Variants in PITPNC1 observed in about 807,000 individuals in gnomAD.
The protein encoded by PITPNC1 is cytoplasmic phosphatidylinositol transfer protein 1.
Under a neutral mutation model 44.7 loss-of-function variants are expected in PITPNC1, and 18 were observed. The observed-to-expected ratio is 0.40, with a 90% confidence interval of 0.28 to 0.60. PITPNC1 has a LOEUF of 0.60. Among genes scored for constraint, PITPNC1 ranks in the 20% least tolerant of loss-of-function variants. The pLI is 0.39. For missense variants in PITPNC1, 290 were observed against 418.4 expected (o/e 0.69, Z 2.68); for synonymous variants, 141 against 149.6 (o/e 0.94, Z 0.42).
At chr17:67,431,373 C>CCTA (rs1411923556) in intron 1 of PITPNC1, among the ~76,000 whole-genome samples, 1 of 151,998 alleles carries the variant, frequency 6.6e-6, no homozygotes, top group Non-Finnish European at 1.5e-5. Context: ...TCTTGTCTTA[C>CCTA]CTACGGCTTT....
intron 1 of PITPNC1, among the ~76,000 whole-genome samples, chr17:67,461,365 G>A (rs1299353160): frequency 5.9e-5 from 9 of 152,214 alleles, no homozygotes; most frequent in Non-Finnish European, 2.9e-5. Context: ...GTACAGCTTC[G>A]GGGGCGGTGC....
chr17:67,425,193 G>GCGCGCGCGCGCGCGCA (rs1160522771), intron 1 of PITPNC1, among the ~76,000 whole-genome samples: 6 of 52,116 alleles, frequency 1.2e-4, no homozygotes, highest in East Asian at 1.1e-3. Flanking sequence ...TTGTGCGCGC[G>GCGCGCGCGCGCGCGCA]CACGCACACG....
At chr17:67,534,465 C>G (rs987082191) in intron 2 of PITPNC1, among the ~76,000 whole-genome samples, 11 of 151,808 alleles carry the variant, frequency 7.2e-5, no homozygotes, top group African/African-American at 2.7e-4. Flanking sequence ...TGGCGAAACC[C>G]CATCTCTACT....
chr17:67,474,673 T>G (rs879473802), intron 1 of PITPNC1, among the ~76,000 whole-genome samples: 1 of 152,106 alleles, frequency 6.6e-6, no homozygotes, highest in Non-Finnish European at 1.5e-5. Flanking sequence ...TTTATTTTTA[T>G]TTTTTTGTCT....
In PITPNC1 at chr17:67,495,095, C is replaced by T. The variant is rs562774486; in HGVS notation, c.49-37707C>T. Among the ~76,000 whole-genome samples, 33 of 99,570 alleles carry T rather than the reference C, an allele frequency of 3.3e-4. No homozygotes were observed. In the South Asian group the frequency reaches 7.4e-3, roughly 22 times the overall value. The allele number at this position is 99,570 out of a possible 152,430, so 65.3% of individuals were successfully genotyped here. On this transcript the variant is annotated intron_variant, in intron 1 of 8. Coordinates refer to ENST00000581322, the MANE Select transcript of PITPNC1 (RefSeq NM_012417.4). ...TTTTTGAGACGGAGTCTGGCTCTGT[C>T]GCCCAGGCTGGAGTGCAGTGGCGCT...
intron 5 of PITPNC1, among the ~76,000 whole-genome samples, chr17:67,608,550 G>T (rs2041644596): frequency 6.7e-6 from 1 of 149,700 alleles, no homozygotes; most frequent in African/African-American, 2.5e-5. Context: ...GAGTGCAATG[G>T]TGCGATCTGA....
chr17:67,618,307 G>T (rs1437346969), intron 5 of PITPNC1, among the ~76,000 whole-genome samples: 1 of 143,520 alleles, frequency 7.0e-6, no homozygotes, highest in African/African-American at 2.6e-5. Flanking sequence ...AGAGGTTGCA[G>T]TGAGCTGACA....
intron 6 of PITPNC1, among the ~76,000 whole-genome samples, chr17:67,640,744 C>T (rs1238932935): frequency 6.7e-6 from 1 of 148,952 alleles, no homozygotes; most frequent in African/African-American, 2.5e-5. Flanking sequence ...AATCCTAGCA[C>T]TTTGGGAGGC....
chr17:67,672,476 G>A (rs539981815), intron 7 of PITPNC1, among the ~76,000 whole-genome samples: 3 of 151,846 alleles, frequency 2.0e-5, no homozygotes, highest in South Asian at 2.1e-4. Context: ...ACAGGTGACT[G>A]TAGTCCCAGC....
rs1437737984 is a variant in PITPNC1 at position 67,378,046 on chromosome 17, G to A, written c.-109G>A. On this transcript the variant is annotated 5_prime_UTR_variant, in exon 1 of 9. Transcript: ENST00000581322. The stretch of plus-strand genomic sequence containing the variant: ...GCCGCGGGGGCTGCTTCGCCCTCCG[G>A]CTCCGAGCGCCGGGCTCCGGGCGCC... The A allele has an allele frequency of 1.2e-5, 7 of 573,488 alleles. No individual in the cohort carries two copies. The East Asian group carries it at 1.4e-4, about 12-fold the overall frequency. 35.5% of individuals were successfully genotyped at this position (573,488 alleles called of 1,614,324 possible).
At chr17:67,403,218 CAAAAAA>C (rs34768084) in intron 1 of PITPNC1, among the ~76,000 whole-genome samples, 5 of 68,962 alleles carry the variant, frequency 7.3e-5, no homozygotes, top group Non-Finnish European at 1.1e-4. Context: ...CTCATCTCTA[CAAAAAA>C]AAAAAAAAAA....
intron 5 of PITPNC1, among the ~76,000 whole-genome samples, chr17:67,608,232 A>G (rs1311574269): frequency 7.6e-6 from 1 of 130,814 alleles, no homozygotes; most frequent in Non-Finnish European, 1.6e-5. Flanking sequence ...CTAAATGTCA[A>G]TTAAAAAAAA....
intron 1 of PITPNC1, among the ~76,000 whole-genome samples, chr17:67,526,863 A>G (rs560309168): frequency 3.3e-5 from 5 of 152,152 alleles, no homozygotes; most frequent in Non-Finnish European, 7.4e-5. Flanking sequence ...TTGCAGCTCT[A>G]TCAAGTGTAC....
At chr17:67,691,008 CAGG>C (rs2042917040) in intron 8 of PITPNC1, among the ~76,000 whole-genome samples, 1 of 152,036 alleles carries the variant, frequency 6.6e-6, no homozygotes, top group Non-Finnish European at 1.5e-5. Flanking sequence ...GAGGCTGAGG[CAGG>C]AGAATTACTT....
intron 1 of PITPNC1, among the ~76,000 whole-genome samples, chr17:67,532,187 C>T (rs942265218): frequency 6.6e-6 from 1 of 152,110 alleles, no homozygotes; most frequent in Admixed American, 6.5e-5. Flanking sequence ...GAGGAGCGGC[C>T]TTCAGGGGCT....
rs1292943917 is a variant in PITPNC1 at position 67,631,631 on chromosome 17, AAACC to A, written c.367-509_367-506del. On this transcript the variant is annotated intron_variant, in intron 5 of 8. Coordinates refer to ENST00000581322, the MANE Select transcript of PITPNC1 (RefSeq NM_012417.4). ...GCGAAAGAGTGAGACTCCGTCTCAA[AAACC>A]AAAAAAAAAAAAAAAAAAAAAAATA... Among the ~76,000 whole-genome samples the A allele has an allele frequency of 3.6e-3, 57 of 15,890 alleles. 7 individuals are homozygous for A. The highest frequency in any genetic ancestry group is 0.05 in the Middle Eastern group (1 of 20). 10.4% of individuals were successfully genotyped at this position (15,890 alleles called of 152,430 possible). A position where few individuals can be genotyped will look rare whatever the true frequency, so the allele number is the denominator to read the frequency against.
At chr17:67,489,223 C>T (rs1203344498) in intron 1 of PITPNC1, among the ~76,000 whole-genome samples, 1 of 152,150 alleles carries the variant, frequency 6.6e-6, no homozygotes, top group African/African-American at 2.4e-5. Flanking sequence ...GGATTGTTTG[C>T]TCCGTCTCCT....
At position 67,540,304 on chromosome 17, in the gene PITPNC1, C is replaced by T. The variant is rs367805521; in HGVS notation, c.197+7354C>T. 2.0e-5 allele frequency among the ~76,000 whole-genome samples: 3 copies of T among 151,940 alleles called. No individual in the cohort carries two copies. The East Asian group carries it at 5.8e-4, about 29-fold the overall frequency. ...TGTTTTAGTAGAGACGGTGTTTCAC[C>T]ATGTTGGGCAGGCTGGTTTCTAACT... On this transcript the variant is annotated intron_variant, in intron 2 of 8. Coordinates refer to ENST00000581322, the MANE Select transcript of PITPNC1 (RefSeq NM_012417.4).
chr17:67,470,608 G>A (rs1204291114), intron 1 of PITPNC1, among the ~76,000 whole-genome samples: 5 of 151,890 alleles, frequency 3.3e-5, no homozygotes, highest in Non-Finnish European at 5.9e-5. Flanking sequence ...CCGGCCAGCC[G>A]CCCCGTCCGG....
Sources: allele counts gnomAD v4.1 joint callset (sites outside exome capture counted in the v4.1 genomes callset), GRCh38; gene constraint gnomAD v4.1.1; transcripts MANE v1.5; gene names NCBI Gene and HGNC (gene_info 2026-07-23, HGNC 2026-07-21).